The following CDH13 variants were observed in gnomAD, a reference collection of about 807,000 sequenced individuals.
CDH13 encodes cadherin-13.
In CDH13, 24 loss-of-function variants were observed where a neutral mutation model predicts 63.8. The ratio of observed to expected loss-of-function variants is 0.38; its 90% confidence interval spans 0.27 to 0.53. The LOEUF (loss-of-function observed/expected upper bound fraction) is 0.53. Ranked by LOEUF, CDH13 falls within the 20% of genes least tolerant of loss-of-function variation. The probability of loss-of-function intolerance (pLI) is 0.85; values close to 1 mark genes in which losing one functional copy is unlikely to be tolerated. For synonymous variants in CDH13, 503 were observed against 355.3 expected (o/e 1.42, Z -4.67); for missense variants, 1,049 against 903.1 (o/e 1.16, Z -2.07).
At chr16:82,925,475 C>A (rs1178079361) in intron 2 of CDH13, among the ~76,000 whole-genome samples, 1 of 152,192 alleles carries the variant, frequency 6.6e-6, no homozygotes, top group Non-Finnish European at 1.5e-5. Flanking sequence ...GCCCTGACAT[C>A]CCCTATCAGA....
chr16:83,665,685 C>G (rs1294428287), intron 8 of CDH13, among the ~76,000 whole-genome samples: 2 of 152,156 alleles, frequency 1.3e-5, no homozygotes, highest in Non-Finnish European at 1.5e-5. Flanking sequence ...GTCTAGTATT[C>G]AGGTCAAACA....
At chr16:83,186,630 CTG>C (rs1249166239) in intron 4 of CDH13, among the ~76,000 whole-genome samples, 1 of 152,156 alleles carries the variant, frequency 6.6e-6, no homozygotes, top group Non-Finnish European at 1.5e-5. Context: ...CTGCCCAAGA[CTG>C]TAGTATGTCG....
At chr16:83,085,117 G>A (rs940828940) in intron 3 of CDH13, among the ~76,000 whole-genome samples, 2 of 151,954 alleles carry the variant, frequency 1.3e-5, no homozygotes, top group African/African-American at 4.8e-5. Context: ...AGACTGGGAA[G>A]AAAAAGAGGT....
chr16:83,492,656 A>G (rs1000503855), intron 7 of CDH13, among the ~76,000 whole-genome samples: 3 of 152,252 alleles, frequency 2.0e-5, no homozygotes, highest in Non-Finnish European at 2.9e-5. Context: ...AATAAAGTAG[A>G]ATAGGACATT....
chr16:82,846,135 T>C (rs2039245875), intron 1 of CDH13, among the ~76,000 whole-genome samples: 1 of 152,226 alleles, frequency 6.6e-6, no homozygotes, highest in South Asian at 2.1e-4. Flanking sequence ...TGAACTGGCA[T>C]GCTATGGTGT....
intron 7 of CDH13, among the ~76,000 whole-genome samples, chr16:83,568,830 G>T (rs183862227): frequency 4.2e-4 from 64 of 152,194 alleles, no homozygotes; most frequent in Non-Finnish European, 7.2e-4. Context: ...CTCACTTGCT[G>T]TTCTGTCCTT....
At chr16:83,399,869 C>G (rs1256699580) in intron 6 of CDH13, among the ~76,000 whole-genome samples, 1 of 152,132 alleles carries the variant, frequency 6.6e-6, no homozygotes, top group Admixed American at 6.5e-5. Context: ...AGTGAAGAAA[C>G]AAAAGGAGGT....
intron 7 of CDH13, among the ~76,000 whole-genome samples, chr16:83,561,465 A>G (rs2075707881): frequency 6.6e-6 from 1 of 150,800 alleles, no homozygotes; most frequent in Non-Finnish European, 1.5e-5. Context: ...AAGGGAGGCT[A>G]TGCTATCAAA....
intron 5 of CDH13, among the ~76,000 whole-genome samples, chr16:83,246,538 C>T (rs995166689): frequency 6.6e-6 from 1 of 152,090 alleles, no homozygotes; most frequent in African/African-American, 2.4e-5. Flanking sequence ...TCATTCATCT[C>T]CATTTTATTC....
At chr16:82,912,062 G>A (rs1252123603) in intron 2 of CDH13, among the ~76,000 whole-genome samples, 1 of 151,856 alleles carries the variant, frequency 6.6e-6, no homozygotes, top group Admixed American at 6.6e-5. Context: ...TTCCACGGCC[G>A]CCCCTGCCGT....
intron 3 of CDH13, among the ~76,000 whole-genome samples, chr16:83,075,581 A>G (rs1350478855): frequency 6.6e-6 from 1 of 152,186 alleles, no homozygotes; most frequent in African/African-American, 2.4e-5. Context: ...CACTCTCATC[A>G]TGTTTGGATT....
chr16:83,768,398 G>A (rs538965909), intron 11 of CDH13, among the ~76,000 whole-genome samples: 1 of 152,274 alleles, frequency 6.6e-6, no homozygotes, highest in South Asian at 2.1e-4. Context: ...CAATAGGTTT[G>A]TTAACCAATG....
At chr16:82,864,041 A>G (rs972623703) in intron 2 of CDH13, among the ~76,000 whole-genome samples, 42 of 152,370 alleles carry the variant, frequency 2.8e-4, no homozygotes, top group African/African-American at 1.0e-3. Flanking sequence ...GACTAGTTAC[A>G]GAAGAAAAGT....
At chr16:82,830,948 C>T (rs1289909511) in intron 1 of CDH13, among the ~76,000 whole-genome samples, 2 of 152,062 alleles carry the variant, frequency 1.3e-5, no homozygotes, top group Non-Finnish European at 2.9e-5. Context: ...TTATAATGGG[C>T]CTGGTATACA....
At chr16:83,581,863 C>A (rs143966564) in intron 7 of CDH13, among the ~76,000 whole-genome samples, 141 of 152,236 alleles carry the variant, frequency 9.3e-4, no homozygotes, top group African/African-American at 3.2e-3. Flanking sequence ...AGTCTCCACC[C>A]TAGAACTTTC....
At chr16:82,653,763 C>G (rs993335804) in intron 1 of CDH13, among the ~76,000 whole-genome samples, 1 of 152,104 alleles carries the variant, frequency 6.6e-6, no homozygotes, top group East Asian at 1.9e-4. Context: ...GACAGACGCT[C>G]TTAAATCTGG....
intron 3 of CDH13, among the ~76,000 whole-genome samples, chr16:83,117,259 G>T (rs1217569204): frequency 1.3e-5 from 2 of 152,148 alleles, no homozygotes; most frequent in Non-Finnish European, 2.9e-5. Context: ...ACCAGGTCCA[G>T]ACTGTCTCCT....
rs567310601 is a variant in CDH13 at position 83,406,487 on chromosome 16, G to A, written c.781+61481G>A. 9.5e-5 allele frequency among the ~76,000 whole-genome samples: 14 copies of A among 147,604 alleles called. No individual in the cohort carries two copies. In the South Asian group the frequency reaches 3.0e-3, roughly 31 times the overall value. On this transcript the variant is annotated intron_variant, in intron 6 of 13. Transcript: ENST00000567109. ...TCTCTCTCTCTTTCTTTCTTTCAGT[G>A]GAGTCTTGCTTCATCGCCCAGGCTG...
At chr16:82,987,373 G>C (rs899073335) in intron 2 of CDH13, among the ~76,000 whole-genome samples, 18 of 152,188 alleles carry the variant, frequency 1.2e-4, no homozygotes, top group African/African-American at 4.3e-4. Context: ...TTGTTTGTTT[G>C]TTTGTTTGTT....
Sources: gnomAD v4.1 joint callset for allele counts (sites outside exome capture counted in the v4.1 genomes callset) on GRCh38, gnomAD v4.1.1 for gene constraint, MANE v1.5 for transcripts, NCBI Gene and HGNC (gene_info 2026-07-23, HGNC 2026-07-21) for gene names.